MTCL2: variants seen among roughly 807,000 people sequenced by gnomAD.
MTCL2 encodes the protein microtubule crosslinking factor 2.
At chr20:36,807,392 G>A in the MTCL2 span, among the ~76,000 whole-genome samples, 1 of 152,134 alleles carries the variant, frequency 6.6e-6, no homozygotes, top group Non-Finnish European at 1.5e-5. Flanking sequence ...AGAGCAGCCT[G>A]GACTAGAGGA....
the MTCL2 span, among the ~76,000 whole-genome samples, chr20:36,808,029 C>T: frequency 6.6e-6 from 1 of 150,788 alleles, no homozygotes; most frequent in Non-Finnish European, 1.5e-5. Context: ...GCACCCGCCA[C>T]CACACCTGGC....
At chr20:36,799,478 G>A in the MTCL2 span, among the ~76,000 whole-genome samples, 190 of 151,292 alleles carry the variant, frequency 1.3e-3, no homozygotes, top group African/African-American at 4.4e-3. Context: ...GGCAACAAGA[G>A]TGAAACTCCA....
chr20:36,828,904 G>A, the MTCL2 span: 2 of 796,512 alleles, frequency 2.5e-6, no homozygotes, highest in African/African-American at 1.8e-5. Context: ...GGAAATGCAT[G>A]TTGGAGGAAT....
chr20:36,863,338 C>A, the MTCL2 span: 6 of 1,173,904 alleles, frequency 5.1e-6, no homozygotes, highest in Non-Finnish European at 6.3e-6. The surrounding 1 kb of genome is among the most constrained non-coding windows in gnomAD (Gnocchi z 6.2). Context: ...GCCGCCGGCG[C>A]CTCCATCGCG....
chr20:36,785,712 T>C, the MTCL2 span: 2 of 985,526 alleles, frequency 2.0e-6, no homozygotes, highest in East Asian at 2.3e-4. Context: ...ATTTCTGTCC[T>C]CAAGGGGTCT....
At chr20:36,833,900 T>C in the MTCL2 span, among the ~76,000 whole-genome samples, 1 of 152,038 alleles carries the variant, frequency 6.6e-6, no homozygotes, top group Non-Finnish European at 1.5e-5. Context: ...TGGTGGCTCA[T>C]GCCTGTAATT....
the MTCL2 span, among the ~76,000 whole-genome samples, chr20:36,827,354 C>T: frequency 2.7e-5 from 4 of 148,180 alleles, no homozygotes; most frequent in African/African-American, 9.9e-5. Context: ...TGCCTGGACC[C>T]CCCTTTTTTT....
the MTCL2 span, among the ~76,000 whole-genome samples, chr20:36,823,599 G>A: frequency 2.2e-4 from 33 of 152,136 alleles, no homozygotes; most frequent in African/African-American, 7.7e-4. Flanking sequence ...TTGAGCCCAG[G>A]AGTTTGAGAC....
chr20:36,819,637 C>T, the MTCL2 span, among the ~76,000 whole-genome samples: 1 of 150,030 alleles, frequency 6.7e-6, no homozygotes, highest in South Asian at 2.1e-4. Flanking sequence ...AGAAAAAATA[C>T]TGGTGGTCTG....
chr20:36,824,513 G>T, the MTCL2 span, among the ~76,000 whole-genome samples: 1 of 152,094 alleles, frequency 6.6e-6, no homozygotes, highest in Non-Finnish European at 1.5e-5. Flanking sequence ...GAAAGGGGGA[G>T]TGGGGAGTGA....
At chr20:36,788,964 G>A in the MTCL2 span, among the ~76,000 whole-genome samples, 2 of 151,922 alleles carry the variant, frequency 1.3e-5, no homozygotes, top group African/African-American at 4.8e-5. Flanking sequence ...GTGCCACCAC[G>A]CCCGGCTAAT....
chr20:36,832,182 T>C, the MTCL2 span, among the ~76,000 whole-genome samples: 4 of 152,118 alleles, frequency 2.6e-5, no homozygotes, highest in Non-Finnish European at 5.9e-5. Flanking sequence ...TGGGGAGTGG[T>C]ACCTGCCCTC....
At chr20:36,805,804 C>T in the MTCL2 span, 41 of 1,475,824 alleles carry the variant, frequency 2.8e-5, no homozygotes, top group Non-Finnish European at 3.7e-5. Context: ...ACTGAGCAGA[C>T]AAAGGAATGA....
At chr20:36,812,935 C>T in the MTCL2 span, 1 of 1,467,086 alleles carries the variant, frequency 6.8e-7, no homozygotes. Flanking sequence ...GGCCTCTGCG[C>T]TCCCTAAGAG....
the MTCL2 span, among the ~76,000 whole-genome samples, chr20:36,855,814 T>C: frequency 6.6e-6 from 1 of 152,150 alleles, no homozygotes; most frequent in Non-Finnish European, 1.5e-5. Flanking sequence ...GGTGAGGGGT[T>C]TGCACAGGGA....
the MTCL2 span, among the ~76,000 whole-genome samples, chr20:36,854,762 C>T: frequency 1.3e-5 from 2 of 152,164 alleles, no homozygotes; most frequent in African/African-American, 2.4e-5. Context: ...TTCATAGAGG[C>T]TGAGCTTTTC....
the MTCL2 span, chr20:36,863,142 G>A: frequency 1.4e-6 from 2 of 1,391,860 alleles, no homozygotes; most frequent in Non-Finnish European, 1.9e-6. The surrounding 1 kb of genome is among the most constrained non-coding windows in gnomAD (Gnocchi z 6.2). Flanking sequence ...GTCCGGCCGT[G>A]AGGAGAACGC....
the MTCL2 span, among the ~76,000 whole-genome samples, chr20:36,810,717 C>CTCTCTCT: frequency 7.3e-4 from 69 of 94,272 alleles, 1 homozygote; most frequent in African/African-American, 2.0e-3. Flanking sequence ...TCTCTCTCTC[C>CTCTCTCT]CTCTCTCTCT....
At chr20:36,791,791 A>G in the MTCL2 span, among the ~76,000 whole-genome samples, 1 of 152,220 alleles carries the variant, frequency 6.6e-6, no homozygotes, top group Non-Finnish European at 1.5e-5. Context: ...GAGGAATATG[A>G]TATCAGAGAG....
Sources: gnomAD v4.1 joint callset for allele counts (sites outside exome capture counted in the v4.1 genomes callset) on GRCh38, gnomAD v4.1.1 for gene constraint, Gnocchi (gnomAD v3.1) non-coding constraint, MANE v1.5 for transcripts, NCBI Gene and HGNC (gene_info 2026-07-23, HGNC 2026-07-21) for gene names.